NR6A1: variants seen among roughly 807,000 people sequenced by gnomAD.
The protein encoded by NR6A1 is retinoic acid receptor-related testis-associated receptor.
NR6A1 carries 7 observed loss-of-function variants against 59.1 expected under a neutral mutation model. That is an observed-to-expected ratio of 0.12 (90% CI 0.07 to 0.22). NR6A1 has a LOEUF of 0.22. Among genes scored for constraint, NR6A1 ranks in the 10% least tolerant of loss-of-function variants. The pLI is 1.00. For missense variants in NR6A1, 468 were observed against 611.6 expected (o/e 0.77, Z 2.48); for synonymous variants, 243 against 236.1 (o/e 1.03, Z -0.27).
At chr9:124,534,071 ACT>A (rs1491372893) in intron 7 of NR6A1, among the ~76,000 whole-genome samples, 1 of 137,932 alleles carries the variant, frequency 7.2e-6, no homozygotes, top group African/African-American at 2.9e-5. Context: ...GCATTATAAG[ACT>A]TTTTTTTTTT....
chr9:124,636,011 C>A (rs1321092228), intron 2 of NR6A1, among the ~76,000 whole-genome samples: 1 of 152,244 alleles, frequency 6.6e-6, no homozygotes, highest in Non-Finnish European at 1.5e-5. Flanking sequence ...CACATCCTAA[C>A]ATTTGTTGTC....
chr9:124,717,852 T>C (rs1307496129), intron 2 of NR6A1, among the ~76,000 whole-genome samples: 1 of 151,938 alleles, frequency 6.6e-6, no homozygotes, highest in Non-Finnish European at 1.5e-5. Context: ...AGAACAAGAG[T>C]TGAGAATAAC....
chr9:124,723,187 G>A (rs1839612066), intron 2 of NR6A1, among the ~76,000 whole-genome samples: 1 of 151,988 alleles, frequency 6.6e-6, no homozygotes, highest in Admixed American at 6.6e-5. Context: ...AGGAATCCAT[G>A]GTAATAGTCA....
At chr9:124,561,101 G>GATATT (rs1318190710) in intron 2 of NR6A1, among the ~76,000 whole-genome samples, 5 of 151,902 alleles carry the variant, frequency 3.3e-5, no homozygotes, top group East Asian at 3.9e-4. Flanking sequence ...ATAGAATGTG[G>GATATT]ATATTATATT....
intron 2 of NR6A1, among the ~76,000 whole-genome samples, chr9:124,583,488 C>G (rs1564189613): frequency 6.6e-6 from 1 of 152,186 alleles, no homozygotes; most frequent in African/African-American, 2.4e-5. Flanking sequence ...GCTTGTGCTC[C>G]TTTCTAGCAA....
At chr9:124,528,724 C>G (rs1018737943) in intron 7 of NR6A1, among the ~76,000 whole-genome samples, 1 of 151,224 alleles carries the variant, frequency 6.6e-6, no homozygotes, top group Non-Finnish European at 1.5e-5. Flanking sequence ...AAACAAAAAA[C>G]CAAAAACCAA....
intron 2 of NR6A1, among the ~76,000 whole-genome samples, chr9:124,653,751 G>A (rs1485907334): frequency 6.6e-6 from 1 of 152,136 alleles, no homozygotes; most frequent in African/African-American, 2.4e-5. Context: ...ATAAAATAAT[G>A]TAGGTCAAAT....
In NR6A1 at chr9:124,748,740, C is replaced by G. The variant is rs191359399; in HGVS notation, c.101-15391G>C. Among the ~76,000 whole-genome samples, 700 of 151,950 alleles carry G rather than the reference C, an allele frequency of 4.6e-3. 3 individuals carry two copies. The highest frequency in any genetic ancestry group is 0.016 in the African/African-American group (675 of 41,426). On this transcript the variant is annotated intron_variant, in intron 1 of 9. Transcript: ENST00000487099. ...ATTAGCCAGGCGCGGTGGCAGGCGC[C>G]TGTAGTCCCAGCTATTCGGGAGGCT...
rs534519239 is a variant in NR6A1, at chr9:124,692,564, C to T, written c.142+40744G>A. 1,043 of 494,090 alleles carry T rather than the reference C, an allele frequency of 2.1e-3. 13 individuals carry two copies. The highest frequency in any genetic ancestry group is 0.015 in the South Asian group (1,019 of 66,638). 30.6% of individuals were successfully genotyped at this position (494,090 alleles called of 1,614,324 possible). On this transcript the variant is annotated intron_variant, in intron 2 of 9. Transcript: ENST00000487099. ...CTTGGGGTCCTTACAGACGACACTA[C>T]ATTTCCTGAAGCAAAAGAGCAAGCT...
At chr9:124,655,886 T>A (rs1275542766) in intron 2 of NR6A1, among the ~76,000 whole-genome samples, 1 of 152,210 alleles carries the variant, frequency 6.6e-6, no homozygotes, top group East Asian at 1.9e-4. Flanking sequence ...TGGAAGCTAC[T>A]TAAGTGTCCA....
intron 2 of NR6A1, among the ~76,000 whole-genome samples, chr9:124,651,350 C>T (rs982522843): frequency 1.3e-5 from 2 of 152,178 alleles, no homozygotes; most frequent in Non-Finnish European, 2.9e-5. Flanking sequence ...TGAGCCACTG[C>T]GCCCAGCCAC....
intron 2 of NR6A1, among the ~76,000 whole-genome samples, chr9:124,630,870 G>A (rs1352733251): frequency 6.6e-6 from 1 of 150,582 alleles, no homozygotes; most frequent in Non-Finnish European, 1.5e-5. Flanking sequence ...TAGAGACGGA[G>A]TTTTTCCACG....
At chr9:124,634,129 C>T (rs910242021) in intron 2 of NR6A1, among the ~76,000 whole-genome samples, 1 of 152,062 alleles carries the variant, frequency 6.6e-6, no homozygotes, top group Admixed American at 6.6e-5. Flanking sequence ...ACTGTAAACG[C>T]TACACAATAT....
chr9:124,693,806 GGAAGCAAAAGCA>G (rs778357004), intron 2 of NR6A1: 1 of 533,818 alleles, frequency 1.9e-6, no homozygotes, highest in Non-Finnish European at 3.9e-6. Flanking sequence ...ACAACCCAAA[GGAAGCAAAAGCA>G]TGTGCAGAGA....
intron 2 of NR6A1, among the ~76,000 whole-genome samples, chr9:124,660,649 A>T (rs1054344214): frequency 6.6e-5 from 2 of 30,488 alleles, no homozygotes; most frequent in Admixed American, 4.8e-4. Context: ...CTGAGAATAC[A>T]AAAAAAAAAA....
chr9:124,606,514 A>C (rs1469132416), intron 2 of NR6A1, among the ~76,000 whole-genome samples: 1 of 152,204 alleles, frequency 6.6e-6, no homozygotes, highest in Non-Finnish European at 1.5e-5. Flanking sequence ...GCTAAATAAA[A>C]TAAGGGGCAG....
chr9:124,739,143 A>G (rs1840103298), intron 1 of NR6A1, among the ~76,000 whole-genome samples: 1 of 151,180 alleles, frequency 6.6e-6, no homozygotes, highest in Admixed American at 6.6e-5. Flanking sequence ...AGCCCAGATC[A>G]CATCACTGCA....
At chr9:124,638,475 G>C (rs77482842) in intron 2 of NR6A1, among the ~76,000 whole-genome samples, 5,668 of 152,176 alleles carry the variant, frequency 0.037, 301 homozygotes, top group African/African-American at 0.11. Flanking sequence ...CAGGAGACAA[G>C]GTAGACAGAG....
chr9:124,640,949 A>G (rs1836752472), intron 2 of NR6A1, among the ~76,000 whole-genome samples: 1 of 152,218 alleles, frequency 6.6e-6, no homozygotes, highest in Non-Finnish European at 1.5e-5. Flanking sequence ...TAGACAAGCT[A>G]AAATAAGAAG....
Sources: allele counts gnomAD v4.1 joint callset (sites outside exome capture counted in the v4.1 genomes callset), GRCh38; gene constraint gnomAD v4.1.1; transcripts MANE v1.5; gene names NCBI Gene and HGNC (gene_info 2026-07-23, HGNC 2026-07-21).